Variants in CD163L1 observed in about 807,000 individuals in gnomAD.
CD163L1 encodes scavenger receptor cysteine-rich type 1 protein M160.
In CD163L1, 124 loss-of-function variants were observed where a neutral mutation model predicts 165.4. The ratio of observed to expected loss-of-function variants is 0.75; its 90% CI spans 0.65 to 0.87. The LOEUF is 0.87. CD163L1 is among the 40% of genes least tolerant of loss of function. CD163L1 has a pLI of 0.00. For synonymous variants in CD163L1, 585 were observed against 662.2 expected (o/e 0.88, Z 1.79); for missense variants, 1,525 against 1,799.9 (o/e 0.85, Z 2.76).
At chr12:7,353,584 G>A (rs1946724154), downstream of CD163L1, among the ~76,000 whole-genome samples, 2 of 151,948 alleles carry the variant, frequency 1.3e-5, no homozygotes, top group African/African-American at 4.8e-5. Context: ...TTTAATGGAA[G>A]TTTAAAAAAT....
chr12:7,366,817 A>T (rs1228845764), intron 18 of CD163L1, among the ~76,000 whole-genome samples: 4 of 152,294 alleles, frequency 2.6e-5, no homozygotes, highest in East Asian at 1.9e-4. Flanking sequence ...AAATTATTTT[A>T]AAAATAATTA....
rs978943097 is a variant in CD163L1 at position 7,389,946 on chromosome 12, T to TTATATATATATATTTATATATATA, written c.2050+6125_2050+6148dup. Among the ~76,000 whole-genome samples, 12 of 126,836 alleles carry TTATATATATATATTTATATATATA rather than the reference T, an allele frequency of 9.5e-5. No homozygotes were observed. In the South Asian group the frequency reaches 1.8e-3, roughly 19 times the overall value. The allele number at this position is 126,836 out of a possible 152,430, so 83.2% of individuals were successfully genotyped here. On this transcript the variant is annotated intron_variant, in intron 8 of 19. Coordinates refer to ENST00000313599, the MANE Select transcript of CD163L1 (RefSeq NM_174941.6). ...AAGGATGAATGAATAATTAAACATT[T>TTATATATATATATTTATATATATA]TATATATATATATTTATATATATAT... is the stretch of plus-strand genomic sequence containing the variant.
At chr12:7,395,974 G>A in intron 8 of CD163L1, 121 bp downstream of exon 8, 1 of 685,258 alleles carries the variant, frequency 1.5e-6, no homozygotes, top group Non-Finnish European at 2.4e-6. Context: ...ATGAGGTATG[G>A]TTAGCTCTAA....
chr12:7,320,720 TC>T, the CD163L1 span: 2 of 1,610,980 alleles, frequency 1.2e-6, no homozygotes, highest in Non-Finnish European at 1.7e-6. Context: ...TTCTCCATCA[TC>T]CAGACACTTA....
chr12:7,320,194 A>C, the CD163L1 span, among the ~76,000 whole-genome samples: 2 of 152,222 alleles, frequency 1.3e-5, no homozygotes, highest in South Asian at 4.1e-4. Context: ...TATCTTATTT[A>C]AGAAACCAGA....
downstream of CD163L1, among the ~76,000 whole-genome samples, chr12:7,352,108 G>T (rs1946709969): frequency 6.6e-6 from 1 of 152,016 alleles, no homozygotes; most frequent in South Asian, 2.1e-4. Context: ...AGCAATTGAT[G>T]GTATATGAAT....
the CD163L1 span, among the ~76,000 whole-genome samples, chr12:7,333,650 C>T: frequency 6.6e-6 from 1 of 152,112 alleles, no homozygotes; most frequent in Non-Finnish European, 1.5e-5. Flanking sequence ...CAGAGCAGAA[C>T]TGAAGGAGAT....
Position 7,432,582 on chromosome 12 carries a change from A to T in CD163L1, c.600T>A (p.Ser200=). ...TAACAACTCCAGAAGAAATAAAAGA[A>T]GATGGACATCCTAGTTGCCTGCACA... ...AVVCRQLGCP[S]SFISSGVVNS... Residue 200 remains serine (S), a synonymous_variant, in exon 4 of 20, where the codon TCT becomes TCA. Transcript: ENST00000313599. This position sits in a 1 kb window ranked among gnomAD's most constrained non-coding sequence, Gnocchi z 4.2. The T allele has an allele frequency of 6.2e-7, 1 of 1,614,214 alleles. No individual in the cohort carries two copies. Among genetic ancestry groups the T allele is most frequent in the Non-Finnish European group, 8.5e-7 (1 of 1,180,044 alleles).
At chr12:7,322,389 A>G in the CD163L1 span, 1 of 1,612,724 alleles carries the variant, frequency 6.2e-7, no homozygotes, top group Non-Finnish European at 8.5e-7. Context: ...GTTCCTCTTG[A>G]AAAGACCCAT....
At chr12:7,341,225 CTATT>C in the CD163L1 span, among the ~76,000 whole-genome samples, 1 of 152,092 alleles carries the variant, frequency 6.6e-6, no homozygotes, top group African/African-American at 2.4e-5. Context: ...TAGAAAATAT[CTATT>C]TATTTTCTGT....
chr12:7,322,611 C>G, the CD163L1 span: 3 of 1,519,050 alleles, frequency 2.0e-6, no homozygotes, highest in Non-Finnish European at 1.8e-6. Flanking sequence ...CAACTGAGCC[C>G]CTGAAGTGCC....
At chr12:7,341,442 A>G in the CD163L1 span, among the ~76,000 whole-genome samples, 2 of 152,192 alleles carry the variant, frequency 1.3e-5, no homozygotes, top group African/African-American at 4.8e-5. Context: ...TTGTGTATTC[A>G]GCTTGAGAAA....
chr12:7,332,970 T>G, the CD163L1 span, among the ~76,000 whole-genome samples: 1 of 152,180 alleles, frequency 6.6e-6, no homozygotes, highest in Admixed American at 6.5e-5. Flanking sequence ...AATGCTCCAG[T>G]TAAAAGACAC....
chr12:7,323,604 G>C, the CD163L1 span: 2 of 1,542,732 alleles, frequency 1.3e-6, no homozygotes, highest in Non-Finnish European at 1.8e-6. Flanking sequence ...ACAGACTTGG[G>C]TTCAAATTTC....
At chr12:7,338,459 A>T in the CD163L1 span, among the ~76,000 whole-genome samples, 2 of 152,304 alleles carry the variant, frequency 1.3e-5, no homozygotes, top group East Asian at 1.9e-4. Context: ...TAGGGAAAAA[A>T]ACTTGAAGTC....
intron 4 of CD163L1, among the ~76,000 whole-genome samples, chr12:7,410,257 T>G (rs1000174439): frequency 6.6e-6 from 1 of 152,088 alleles, no homozygotes; most frequent in Non-Finnish European, 1.5e-5. Flanking sequence ...TTTGTGTAAT[T>G]GGAGTTCCAG....
At chr12:7,436,193 T>C (rs1948710427) in intron 2 of CD163L1, among the ~76,000 whole-genome samples, 2 of 152,322 alleles carry the variant, frequency 1.3e-5, no homozygotes, top group South Asian at 4.1e-4. Flanking sequence ...GGGATGGATT[T>C]ATGTGTGCCA....
the CD163L1 span, among the ~76,000 whole-genome samples, chr12:7,339,592 G>T: frequency 2.0e-5 from 3 of 152,014 alleles, no homozygotes; most frequent in Non-Finnish European, 2.9e-5. Flanking sequence ...CTCAGTTCTG[G>T]TCTCAGTGAA....
At position 7,432,556 on chromosome 12, in the gene CD163L1, T is replaced by C. The variant is rs201389253; in HGVS notation, c.626A>G (p.Asn209Ser). Reference protein sequence around the residue: ...PSSFISSGVVNSPAVLRPIWL... With the variant: ...PSSFISSGVVSSPAVLRPIWL... ...AATGGGGCGCAATACAGCAGGGCTA[T>C]TAACAACTCCAGAAGAAATAAAAGA... Residue 209 changes from asparagine (N) to serine (S), a missense_variant, in exon 4 of 20, where the codon AAT (asparagine) becomes AGT (serine). By Grantham distance (46) the Asn-to-Ser change is conservative (BLOSUM62 1). Coordinates refer to ENST00000313599, the MANE Select transcript of CD163L1 (RefSeq NM_174941.6). This position sits in a 1 kb window ranked among gnomAD's most constrained non-coding sequence, Gnocchi z 4.2. The C allele has an allele frequency of 9.3e-6, 15 of 1,614,056 alleles. No individual in the cohort carries two copies. Among genetic ancestry groups the C allele is most frequent in the Non-Finnish European group, 1.3e-5 (15 of 1,180,038 alleles).
Sources: gnomAD v4.1 joint callset for allele counts (sites outside exome capture counted in the v4.1 genomes callset) on GRCh38, gnomAD v4.1.1 for gene constraint, Gnocchi (gnomAD v3.1) non-coding constraint, MANE v1.5 for transcripts, NCBI Gene and HGNC (gene_info 2026-07-23, HGNC 2026-07-21) for gene names.